NEGR1: variants seen among roughly 807,000 people sequenced by gnomAD.
The protein encoded by NEGR1 is neuronal growth regulator 1.
A neutral mutation model predicts 40.9 loss-of-function variants in NEGR1; 10 were observed. The ratio of observed to expected loss-of-function variants is 0.24; its 90% CI spans 0.15 to 0.42. The LOEUF is 0.42. Among genes scored for constraint, NEGR1 ranks in the 10% least tolerant of loss-of-function variants. The pLI, the probability that NEGR1 is intolerant of heterozygous loss-of-function variation, is 1.00. For missense variants in NEGR1, 352 were observed against 438.9 expected (o/e 0.80, Z 1.77); for synonymous variants, 185 against 166.8 (o/e 1.11, Z -0.84).
At chr1:71,982,876 G>T (rs748268971) in intron 1 of NEGR1, among the ~76,000 whole-genome samples, 1 of 152,050 alleles carries the variant, frequency 6.6e-6, no homozygotes, top group Non-Finnish European at 1.5e-5. Flanking sequence ...CATGCAAAAA[G>T]AAGAAAATGG....
chr1:71,450,577 C>G (rs561958732), intron 6 of NEGR1, among the ~76,000 whole-genome samples: 4 of 151,762 alleles, frequency 2.6e-5, no homozygotes, highest in African/African-American at 7.2e-5. Flanking sequence ...GAGGCTGAGG[C>G]GGGCAGATCT....
At chr1:72,114,713 C>A (rs558239690) in intron 1 of NEGR1, among the ~76,000 whole-genome samples, 1 of 151,638 alleles carries the variant, frequency 6.6e-6, no homozygotes, top group South Asian at 2.1e-4. Context: ...GAACACATTC[C>A]GGAAACCCTA....
intron 1 of NEGR1, among the ~76,000 whole-genome samples, chr1:72,090,192 T>C (rs1428196622): frequency 2.6e-5 from 4 of 152,158 alleles, no homozygotes; most frequent in South Asian, 4.1e-4. Context: ...CCTGGGCTAT[T>C]GACACACAGA....
intron 2 of NEGR1, among the ~76,000 whole-genome samples, chr1:71,824,522 A>T (rs962014110): frequency 1.3e-5 from 2 of 151,926 alleles, no homozygotes; most frequent in Non-Finnish European, 2.9e-5. Flanking sequence ...GAAAGTACAT[A>T]CTTTTTAACA....
At chr1:71,895,120 C>A (rs1660933393) in intron 2 of NEGR1, among the ~76,000 whole-genome samples, 1 of 152,040 alleles carries the variant, frequency 6.6e-6, no homozygotes, top group Non-Finnish European at 1.5e-5. Flanking sequence ...TAATAGGTAC[C>A]TTTAAGTTTT....
At position 72,282,352 on chromosome 1, in the gene NEGR1, A is replaced by T. The variant is rs1315221405; in HGVS notation, c.143T>A (p.Met48Lys). The stretch of plus-strand genomic sequence containing the variant: ...CGCCGTGTCCCCTTTTCTGACCATC[A>T]TGTTGTCCACGGCCGCCCAGGGGAA... ...VDFPWAAVDN[M>K]MVRKGDTAVL... The change falls in exon 1 of 7, where the codon ATG (methionine) becomes AAG (lysine). Residue 48 changes from methionine to lysine, a missense_variant. Transcript: ENST00000357731. The T allele has an allele frequency of 6.2e-7, 1 of 1,613,920 alleles. No individual in the cohort carries two copies. The highest frequency in any genetic ancestry group is 8.5e-7 in the Non-Finnish European group (1 of 1,180,024).
At chr1:71,597,753 A>G (rs1416459357) in intron 5 of NEGR1, among the ~76,000 whole-genome samples, 2 of 151,744 alleles carry the variant, frequency 1.3e-5, no homozygotes, top group Admixed American at 6.6e-5. Context: ...CTAAAAATAC[A>G]AAAATTAGCC....
chr1:72,071,000 T>G (rs1164102660), intron 1 of NEGR1, among the ~76,000 whole-genome samples: 3 of 152,220 alleles, frequency 2.0e-5, no homozygotes, highest in Non-Finnish European at 4.4e-5. Flanking sequence ...TGCATTTCTT[T>G]TATGTAGTCC....
intron 2 of NEGR1, among the ~76,000 whole-genome samples, chr1:71,835,229 G>T (rs556492240): frequency 2.0e-5 from 3 of 152,154 alleles, no homozygotes; most frequent in Non-Finnish European, 4.4e-5. Flanking sequence ...CTCTGAACTG[G>T]CATCATGTTT....
At chr1:71,724,728 G>C (rs768218196) in intron 3 of NEGR1, among the ~76,000 whole-genome samples, 1 of 152,114 alleles carries the variant, frequency 6.6e-6, no homozygotes, top group Non-Finnish European at 1.5e-5. Flanking sequence ...ACCAGGCACA[G>C]TTATGTTTAC....
At chr1:71,424,050 C>A (rs1646414151) in intron 6 of NEGR1, among the ~76,000 whole-genome samples, 3 of 149,026 alleles carry the variant, frequency 2.0e-5, no homozygotes. Context: ...GAGACTAAGG[C>A]ATAACTGTCA....
At chr1:71,738,346 C>A (rs1570278345) in intron 3 of NEGR1, 1 of 235,696 alleles carries the variant, frequency 4.2e-6, no homozygotes, top group East Asian at 1.2e-4. Flanking sequence ...CAAGAAACAT[C>A]CCCAGTGACA....
At chr1:71,931,551 T>C (rs1216303888) in intron 2 of NEGR1, among the ~76,000 whole-genome samples, 1 of 152,012 alleles carries the variant, frequency 6.6e-6, no homozygotes, top group Non-Finnish European at 1.5e-5. Flanking sequence ...AGAAAACAGA[T>C]GGACAAGAAC....
chr1:72,279,540 C>A (rs1428464010), intron 1 of NEGR1, among the ~76,000 whole-genome samples: 2 of 152,132 alleles, frequency 1.3e-5, no homozygotes. Flanking sequence ...TTCTCTTGAG[C>A]ACTTCATTCA....
chr1:72,157,666 A>C (rs957363139), intron 1 of NEGR1, among the ~76,000 whole-genome samples: 21 of 152,256 alleles, frequency 1.4e-4, no homozygotes, highest in Non-Finnish European at 1.5e-5. Context: ...TGAGTATATC[A>C]TTTCCAAATA....
chr1:72,079,587 G>A (rs971409611), intron 1 of NEGR1, among the ~76,000 whole-genome samples: 3 of 152,064 alleles, frequency 2.0e-5, no homozygotes, highest in Middle Eastern at 3.4e-3. Context: ...AATACCAGTC[G>A]TTATAATCAA....
chr1:71,794,389 C>T (rs886559702), intron 2 of NEGR1: 4 of 151,700 alleles, frequency 2.6e-5, no homozygotes, highest in East Asian at 1.9e-4. Flanking sequence ...TATAAAATGC[C>T]GGGAAAAAAT....
intron 3 of NEGR1, among the ~76,000 whole-genome samples, chr1:71,746,007 C>A (rs530842165): frequency 2.0e-5 from 3 of 152,154 alleles, no homozygotes; most frequent in African/African-American, 7.2e-5. Context: ...GAGTTTCCCC[C>A]CTCAGTCTGG....
intron 2 of NEGR1, among the ~76,000 whole-genome samples, chr1:71,846,875 C>A (rs1236353853): frequency 6.6e-6 from 1 of 152,132 alleles, no homozygotes; most frequent in African/African-American, 2.4e-5. Context: ...GACCTAATCA[C>A]CTCCTAAAAG....
Sources: gnomAD v4.1 joint callset for allele counts (sites outside exome capture counted in the v4.1 genomes callset) on GRCh38, gnomAD v4.1.1 for gene constraint, MANE v1.5 for transcripts, NCBI Gene and HGNC (gene_info 2026-07-23, HGNC 2026-07-21) for gene names.